SEC31A: variants seen among roughly 807,000 people sequenced by gnomAD.
SEC31A encodes SEC31 homolog A, COPII component.
A neutral mutation model predicts 151.0 loss-of-function variants in SEC31A; 70 were observed. The observed-to-expected ratio is 0.46, with a 90% CI of 0.38 to 0.57. The LOEUF is 0.57. SEC31A is among the 20% of genes least tolerant of loss of function. The pLI is 0.00. For synonymous variants in SEC31A, 475 were observed against 505.9 expected, an observed-to-expected ratio of 0.94 and a Z score of 0.82; for missense variants, 1,330 against 1,471.2, an observed-to-expected ratio of 0.90 and a Z score of 1.57.
chr4:82,838,959 G>A (rs1396314830), intron 22 of SEC31A, among the ~76,000 whole-genome samples: 1 of 152,018 alleles, frequency 6.6e-6, no homozygotes. Flanking sequence ...AAGACATATC[G>A]GAACGACAAA....
At chr4:82,845,140 C>T in intron 20 of SEC31A, 5 of 1,113,620 alleles carry the variant, frequency 4.5e-6, no homozygotes, top group East Asian at 2.6e-5. Context: ...AAGTAGAGAA[C>T]ATATAACTGT....
chr4:82,868,901 C>T (rs1184369990), intron 8 of SEC31A, among the ~76,000 whole-genome samples: 1 of 152,010 alleles, frequency 6.6e-6, no homozygotes. Context: ...CACCAGCCTG[C>T]CTTGCCTCCC....
chr4:82,861,571 A>T, intron 14 of SEC31A, 60 bp downstream of exon 14: 2 of 1,117,680 alleles, frequency 1.8e-6, no homozygotes, highest in Non-Finnish European at 2.6e-6. Flanking sequence ...TCCTTATTTT[A>T]ATGTGAGATA....
At chr4:82,869,373 G>A (rs2149584997) in intron 8 of SEC31A, among the ~76,000 whole-genome samples, 1 of 149,762 alleles carries the variant, frequency 6.7e-6, no homozygotes, top group Admixed American at 6.6e-5. Context: ...CTCGTGCTCT[G>A]CCCGCCTCAG....
At chr4:82,888,109 T>G (rs1159956072) in intron 1 of SEC31A, among the ~76,000 whole-genome samples, 1 of 151,554 alleles carries the variant, frequency 6.6e-6, no homozygotes, top group Non-Finnish European at 1.5e-5. Flanking sequence ...GCGCAGTGGC[T>G]CATGCCTGTA....
At chr4:82,881,114 T>C (rs1265027209) in intron 2 of SEC31A, among the ~76,000 whole-genome samples, 192 bp from the exon 3 acceptor site, 1 of 151,782 alleles carries the variant, frequency 6.6e-6, no homozygotes, top group African/African-American at 2.4e-5. Flanking sequence ...TTTATAAGAG[T>C]GGGTAGTGTA....
At chr4:82,861,407 T>TA (rs1157964594) in intron 14 of SEC31A, among the ~76,000 whole-genome samples, 3 of 152,216 alleles carry the variant, frequency 2.0e-5, no homozygotes, top group Admixed American at 6.5e-5. Flanking sequence ...CATCAACTGT[T>TA]AGTTTTAAAC....
chr4:82,891,274 G>T, upstream of SEC31A: 1 of 1,198,218 alleles, frequency 8.3e-7, no homozygotes, highest in Non-Finnish European at 1.2e-6. Context: ...CCGCCCACCC[G>T]ACGCACAGCC....
In SEC31A at chr4:82,827,531, T is replaced by C. The variant is rs754104629; in HGVS notation, c.3129A>G (p.Pro1043=). 1.2e-6 allele frequency: 2 copies of C among 1,614,108 alleles called. No individual in the cohort carries two copies. The highest frequency in any genetic ancestry group is 1.3e-5 in the African/African-American group (1 of 74,932). The change falls in exon 24 of 27, where the codon CCA becomes CCG. Residue 1043 remains proline, a synonymous_variant. Transcript: ENST00000395310. Reference sequence around the variant, plus strand: ...ATGAAGACTGGCTTGACAGTGGTACTGGAGCTGAAGGCTGTTGCTGCAGCA... The same window carrying C: ...ATGAAGACTGGCTTGACAGTGGTACCGGAGCTGAAGGCTGTTGCTGCAGCA... ...SQMLQQQPSA[P]VPLSSQSSFP... is the part of the protein sequence containing the mutation.
At chr4:82,860,667 G>A (rs757645544) in intron 14 of SEC31A, among the ~76,000 whole-genome samples, 2 of 151,808 alleles carry the variant, frequency 1.3e-5, no homozygotes, top group Non-Finnish European at 2.9e-5. Flanking sequence ...TAGAGATAGG[G>A]TCTCACTATG....
chr4:82,853,432 G>A (rs917790171), intron 18 of SEC31A, 138 bp downstream of exon 18: 18 of 690,256 alleles, frequency 2.6e-5, no homozygotes, highest in Non-Finnish European at 3.8e-5. Flanking sequence ...TTCAAAGATA[G>A]CAATAAATGC....
Position 82,834,743 on chromosome 4 carries a change from A to T in SEC31A, c.2969-5685T>A, listed in dbSNP as rs145817232. ...AGTCCTTTTATTAATTTAATGTACA[A>T]TTTTGTCTCAATTATAATTCTAACC... is the stretch of plus-strand genomic sequence containing the variant. On this transcript the variant is annotated intron_variant, in intron 22 of 26. Transcript: ENST00000395310. Among the ~76,000 whole-genome samples the T allele has an allele frequency of 3.5e-3, 537 of 152,148 alleles. 7 individuals carry two copies. Among genetic ancestry groups the T allele is most frequent in the African/African-American group, 0.012 (490 of 41,498 alleles).
chr4:82,830,962 G>C (rs1208001577), intron 22 of SEC31A: 1 of 1,219,390 alleles, frequency 8.2e-7, no homozygotes, highest in East Asian at 5.9e-5. Context: ...CCTGGTCTTG[G>C]ATAGACTGGT....
intron 22 of SEC31A, among the ~76,000 whole-genome samples, chr4:82,839,122 G>A (rs1049713994): frequency 1.3e-4 from 20 of 151,814 alleles, no homozygotes; most frequent in African/African-American, 2.9e-4. Flanking sequence ...GATTGTAGGC[G>A]CCCGCCACCA....
At chr4:82,844,314 G>C (rs1729584915) in intron 21 of SEC31A, 72 bp downstream of exon 21, 1 of 1,467,650 alleles carries the variant, frequency 6.8e-7, no homozygotes, top group Non-Finnish European at 9.4e-7. Flanking sequence ...ATGACTTTGG[G>C]GCTTCAAAGT....
chr4:82,855,096 A>G, intron 16 of SEC31A, 67 bp from the exon 17 acceptor site: 2 of 1,339,886 alleles, frequency 1.5e-6, no homozygotes, highest in Non-Finnish European at 2.0e-6. Context: ...AATTCTGACT[A>G]ATTAATTGTG....
intron 9 of SEC31A, 87 bp from the exon 10 acceptor site, chr4:82,867,047 A>G: frequency 1.3e-6 from 2 of 1,551,582 alleles, no homozygotes; most frequent in Non-Finnish European, 1.8e-6. Context: ...TTTTGATCAC[A>G]ATTGTCCAAT....
chr4:82,881,962 G>A (rs78585321), intron 1 of SEC31A, 22 bp from the exon 2 acceptor site: 29,750 of 1,586,860 alleles, frequency 0.019, 348 homozygotes, highest in Non-Finnish European at 0.022. Context: ...ATTTTATACA[G>A]AAACAGCCTT....
intron 9 of SEC31A, 21 bp downstream of exon 9, chr4:82,867,134 A>G: frequency 6.2e-7 from 1 of 1,601,632 alleles, no homozygotes; most frequent in Non-Finnish European, 8.5e-7. Flanking sequence ...TATAATAGAA[A>G]ACTTTAACAC....
Sources: gnomAD v4.1 joint callset for allele counts (sites outside exome capture counted in the v4.1 genomes callset) on GRCh38, gnomAD v4.1.1 for gene constraint, MANE v1.5 for transcripts, NCBI Gene and HGNC (gene_info 2026-07-23, HGNC 2026-07-21) for gene names.